SMG6: variants seen among roughly 807,000 people sequenced by gnomAD.
SMG6 encodes the protein SMG6 nonsense mediated mRNA decay factor.
SMG6 carries 66 observed loss-of-function variants against 142.2 expected under a neutral mutation model. The ratio of observed to expected loss-of-function variants is 0.46; its 90% CI spans 0.38 to 0.57. The LOEUF is 0.57. Among genes scored for constraint, SMG6 ranks in the 20% least tolerant of loss-of-function variants. The pLI, the probability that SMG6 is intolerant of heterozygous loss-of-function variation, is 0.00. For missense variants in SMG6, 1,793 were observed against 1,832.0 expected (o/e 0.98, Z 0.39); for synonymous variants, 779 against 702.4 (o/e 1.11, Z -1.72).
chr17:2,182,043 G>A (rs569420196), intron 12 of SMG6, among the ~76,000 whole-genome samples: 21 of 152,230 alleles, frequency 1.4e-4, no homozygotes, highest in Middle Eastern at 6.8e-3. Context: ...GAGGTGACCC[G>A]GGGAAGGCCC....
intron 6 of SMG6, among the ~76,000 whole-genome samples, chr17:2,284,056 C>A (rs1272808814): frequency 6.6e-6 from 1 of 152,202 alleles, no homozygotes; most frequent in Non-Finnish European, 1.5e-5. Context: ...GTTCAATTCA[C>A]TTTATATTTC....
At chr17:2,094,719 T>C (rs572349128) in intron 13 of SMG6, 52 of 152,270 alleles carry the variant, frequency 3.4e-4, no homozygotes, top group African/African-American at 1.2e-3. Flanking sequence ...AGCTGGATCC[T>C]TGCCTCATGT....
At chr17:2,280,553 G>T in intron 8 of SMG6, 1 of 980,912 alleles carries the variant, frequency 1.0e-6, no homozygotes, top group Non-Finnish European at 1.2e-6. Context: ...GTAAGCCACC[G>T]CGTCAGGCCA....
At chr17:2,198,644 T>G (rs2072410189) in intron 10 of SMG6, among the ~76,000 whole-genome samples, 1 of 152,104 alleles carries the variant, frequency 6.6e-6, no homozygotes, top group African/African-American at 2.4e-5. Context: ...CAACTTCCTG[T>G]GAATCTATAA....
At chr17:2,287,204 C>A (rs1293910257) in intron 6 of SMG6, among the ~76,000 whole-genome samples, 5 of 152,134 alleles carry the variant, frequency 3.3e-5, no homozygotes, top group Non-Finnish European at 7.4e-5. Flanking sequence ...CAGGCGTGAG[C>A]CACTGGGCCC....
At chr17:2,109,479 G>A (rs1219277401) in intron 13 of SMG6, among the ~76,000 whole-genome samples, 1 of 152,176 alleles carries the variant, frequency 6.6e-6, no homozygotes, top group Admixed American at 6.5e-5. Flanking sequence ...GGCCAGCCTG[G>A]TCTTGAATTG....
intron 13 of SMG6, among the ~76,000 whole-genome samples, chr17:2,145,376 CAAA>C (rs1192414791): frequency 2.6e-5 from 4 of 151,824 alleles, no homozygotes; most frequent in African/African-American, 9.7e-5. Context: ...CTCAGCCTCC[CAAA>C]GTGCTGGGAT....
rs76280258 is a variant in SMG6, at chr17:2,106,177, C to T, written c.3358-20276G>A. Reference sequence around the variant, plus strand: ...TTTCTGATTGAGTTCTCAGGGAGACCTTCTCTGCCATAGAATTTTCCCTTT... The same window carrying T: ...TTTCTGATTGAGTTCTCAGGGAGACTTTCTCTGCCATAGAATTTTCCCTTT... On this transcript the variant is annotated intron_variant, in intron 13 of 18. Transcript: ENST00000263073. 2.1e-3 allele frequency among the ~76,000 whole-genome samples: 317 copies of T among 152,250 alleles called. No homozygotes were observed. The Middle Eastern group carries it at 0.024, about 11-fold the overall frequency.
intron 8 of SMG6, chr17:2,280,683 TATAGTTTC>T (rs2074765742): frequency 1.5e-6 from 1 of 669,198 alleles, no homozygotes; most frequent in Non-Finnish European, 1.8e-6. Context: ...ACTAAAAATA[TATAGTTTC>T]ATCAATAGTT....
At chr17:2,119,436 C>T (rs986193419) in intron 13 of SMG6, among the ~76,000 whole-genome samples, 8 of 152,058 alleles carry the variant, frequency 5.3e-5, no homozygotes, top group Non-Finnish European at 1.0e-4. Flanking sequence ...TCAAGTGATC[C>T]GCCTGCCTCA....
intron 13 of SMG6, among the ~76,000 whole-genome samples, chr17:2,096,190 C>T (rs2068850220): frequency 6.6e-6 from 1 of 152,000 alleles, no homozygotes; most frequent in African/African-American, 2.4e-5. Flanking sequence ...CACAGAGGCA[C>T]ACCACTTATG....
At chr17:2,275,744 C>G (rs1027135626) in intron 8 of SMG6, among the ~76,000 whole-genome samples, 1 of 152,144 alleles carries the variant, frequency 6.6e-6, no homozygotes, top group Non-Finnish European at 1.5e-5. Flanking sequence ...TGCCCAGAAC[C>G]CTGGCAACGT....
intron 13 of SMG6, among the ~76,000 whole-genome samples, chr17:2,110,081 C>CA (rs57135671): frequency 0.024 from 2,109 of 86,800 alleles, 55 homozygotes; most frequent in Non-Finnish European, 0.033. Context: ...GATTCCATCT[C>CA]AAAAAAAAAA....
At chr17:2,086,948 CAG>C (rs1206452632) in intron 13 of SMG6, 1 of 1,234,602 alleles carries the variant, frequency 8.1e-7, no homozygotes, top group Non-Finnish European at 1.1e-6. Flanking sequence ...AGACGTGCCA[CAG>C]GGGACGGCCC....
chr17:2,260,687 T>C (rs552287992), intron 8 of SMG6, among the ~76,000 whole-genome samples: 2 of 152,212 alleles, frequency 1.3e-5, no homozygotes, highest in South Asian at 4.1e-4. Context: ...TAGAAAAAAA[T>C]TTGAGTTTAG....
chr17:2,095,608 A>G (rs1379079983), intron 13 of SMG6, among the ~76,000 whole-genome samples: 1 of 152,122 alleles, frequency 6.6e-6, no homozygotes, highest in African/African-American at 2.4e-5. Context: ...AGATACATCA[A>G]CAGACCCCCT....
intron 13 of SMG6, among the ~76,000 whole-genome samples, chr17:2,102,005 G>A (rs1169791433): frequency 6.6e-6 from 1 of 152,146 alleles, no homozygotes; most frequent in African/African-American, 2.4e-5. Context: ...ATTTCTTGAA[G>A]ACTGAACTCT....
intron 13 of SMG6, among the ~76,000 whole-genome samples, chr17:2,128,851 A>G (rs2070001890): frequency 6.6e-6 from 1 of 151,508 alleles, no homozygotes; most frequent in East Asian, 1.9e-4. Flanking sequence ...GAGAGAAAGA[A>G]AGAAAGAAAG....
chr17:2,300,079 C>T lies in SMG6; in HGVS notation c.674G>A (p.Gly225Glu), dbSNP rs969872637. The T allele has an allele frequency of 1.2e-6, 2 of 1,614,116 alleles. No individual in the cohort carries two copies. The highest frequency in any genetic ancestry group is 2.2e-5 in the East Asian group (1 of 44,884). The change falls in exon 2 of 19, where the codon GGG (glycine) becomes GAG (glutamate). Residue 225 changes from glycine (G) to glutamate (E), a missense_variant. Physicochemically the swap from Gly to Glu is moderately conservative, Grantham distance 98 (BLOSUM62 -2). This residue lies in a region of SMG6 where 1,597 missense variants were observed against 1,584.6 expected (regional missense o/e 1.01). Coordinates refer to ENST00000263073, the MANE Select transcript of SMG6 (RefSeq NM_017575.5). The stretch of plus-strand genomic sequence containing the variant: ...TGGGTCGTCGTGGGTTTCCCTCACC[C>T]CCTCCCCTTTTCCCATCCTCTTTCC... Reference protein sequence around the residue: ...EKGKRMGKGEGVRETHDDPAR... With the variant: ...EKGKRMGKGEEVRETHDDPAR...
Sources: gnomAD v4.1 joint callset for allele counts (sites outside exome capture counted in the v4.1 genomes callset) on GRCh38, gnomAD v4.1.1 for gene constraint, gnomAD v4.1.1 regional missense constraint, MANE v1.5 for transcripts, NCBI Gene and HGNC (gene_info 2026-07-23, HGNC 2026-07-21) for gene names.